The following CCDC33 variants were observed in gnomAD, a reference collection of about 807,000 sequenced individuals.
CCDC33 encodes coiled-coil domain-containing protein 33.
A neutral mutation model predicts 91.9 loss-of-function variants in CCDC33; 94 were observed. That is an observed-to-expected ratio of 1.02 (90% CI 0.87 to 1.21). CCDC33 has a LOEUF of 1.21. CCDC33 is among the 50% of genes most tolerant of loss of function. The pLI, the probability that CCDC33 is intolerant of heterozygous loss-of-function variation, is 0.00. For synonymous variants in CCDC33, 396 were observed against 374.5 expected (o/e 1.06, Z -0.66); for missense variants, 940 against 935.5 (o/e 1.00, Z -0.06).
chr15:74,221,303 C>T, intron 2 of CCDC33: 1 of 964,508 alleles, frequency 1.0e-6, no homozygotes, highest in Non-Finnish European at 1.2e-6. Context: ...GCAGGATGAG[C>T]AGGAATGCAA....
intron 2 of CCDC33, among the ~76,000 whole-genome samples, chr15:74,221,924 C>T (rs1416661690): frequency 1.3e-5 from 2 of 152,304 alleles, no homozygotes; most frequent in African/African-American, 2.4e-5. Flanking sequence ...CTCCAGCTCC[C>T]AGAGCCTCTC....
chr15:74,234,496 C>T (rs1432074036), upstream of CCDC33, among the ~76,000 whole-genome samples: 2 of 152,016 alleles, frequency 1.3e-5, no homozygotes, highest in African/African-American at 2.4e-5. Flanking sequence ...AAGCAGCTCT[C>T]GGGGGAGGTT....
intron 11 of CCDC33, chr15:74,300,828 T>C (rs351189): frequency 0.46 from 70,027 of 152,588 alleles, 17,616 homozygotes; most frequent in East Asian, 0.7. Flanking sequence ...TGGCTCCCTG[T>C]CCCTGGATGT....
intron 1 of CCDC33, chr15:74,203,315 C>T (rs1268731245): frequency 5.7e-6 from 3 of 530,336 alleles, no homozygotes; most frequent in African/African-American, 4.1e-5. Flanking sequence ...AAGAGGAGCC[C>T]CGCCTGCCTC....
intron 7 of CCDC33, among the ~76,000 whole-genome samples, chr15:74,274,081 C>A (rs2076390732): frequency 6.6e-6 from 1 of 152,008 alleles, no homozygotes; most frequent in Non-Finnish European, 1.5e-5. Context: ...CTGTCCACCT[C>A]GGCCTCCCAA....
chr15:74,276,952 G>A (rs988497412), intron 7 of CCDC33, among the ~76,000 whole-genome samples: 1 of 146,638 alleles, frequency 6.8e-6, no homozygotes, highest in Non-Finnish European at 1.5e-5. Context: ...GTGTGTGTGT[G>A]TCTGTCTGTC....
chr15:74,306,343 C>T (rs1316223338), intron 11 of CCDC33, among the ~76,000 whole-genome samples: 2 of 152,200 alleles, frequency 1.3e-5, no homozygotes. Context: ...CCAGGCAGTG[C>T]ACACTTTCTA....
At chr15:74,257,667 C>G (rs1307882200) in intron 2 of CCDC33, among the ~76,000 whole-genome samples, 11 of 152,280 alleles carry the variant, frequency 7.2e-5, no homozygotes, top group Admixed American at 7.2e-4. Context: ...AAACAGCCCC[C>G]CTCAAGCCTC....
intron 11 of CCDC33, among the ~76,000 whole-genome samples, chr15:74,309,533 AGCCCT>A (rs2059952480): frequency 1.3e-5 from 2 of 152,164 alleles, no homozygotes; most frequent in Non-Finnish European, 2.9e-5. Flanking sequence ...GGACAGTGCT[AGCCCT>A]TATCCCCAGG....
chr15:74,231,743 C>T (rs940233200), upstream of CCDC33, among the ~76,000 whole-genome samples: 1 of 152,096 alleles, frequency 6.6e-6, no homozygotes, highest in African/African-American at 2.4e-5. Context: ...TGGCCAGGTG[C>T]GGTGGTTCAC....
At chr15:74,203,812 G>A (rs1203093148) in intron 1 of CCDC33, among the ~76,000 whole-genome samples, 3 of 152,098 alleles carry the variant, frequency 2.0e-5, no homozygotes, top group Non-Finnish European at 2.9e-5. Flanking sequence ...GAGCATTTGG[G>A]GATGGGGGGA....
rs151095477 is a variant in CCDC33 at position 74,279,073 on chromosome 15, T to C, written c.760-890T>C. Among the ~76,000 whole-genome samples, 819 of 152,332 alleles carry C rather than the reference T, an allele frequency of 5.4e-3. 8 individuals carry two copies. The Middle Eastern group carries it at 0.054, about 10-fold the overall frequency. On this transcript the variant is annotated intron_variant, in intron 7 of 18. Transcript: ENST00000398814. ...GGGTGTGAACACAGATACAACACTT[T>C]AGGAAAACAGTTTACCAATAATGAA...
In CCDC33 at chr15:74,332,879, G is replaced by A. The variant is rs1484895761; in HGVS notation, c.1938+34G>A. 1.4e-5 allele frequency: 23 copies of A among 1,600,310 alleles called. 1 individual carries two copies. Among genetic ancestry groups the A allele is most frequent in the South Asian group, 7.8e-5 (7 of 89,962 alleles). ...CCCTTGACCTGGGCCTGCCTATGCC[G>A]GTCACTGGGTGCCCAGAAATCACCC... is the stretch of plus-strand genomic sequence containing the variant. On this transcript the variant is annotated intron_variant, in intron 16 of 18. Transcript: ENST00000398814.
intron 7 of CCDC33, among the ~76,000 whole-genome samples, chr15:74,274,807 A>T (rs2076409194): frequency 6.6e-6 from 1 of 152,174 alleles, no homozygotes; most frequent in South Asian, 2.1e-4. Flanking sequence ...CACTACAGAG[A>T]CTTGTTCCCA....
At chr15:74,318,606 C>T in intron 11 of CCDC33, 1 of 741,902 alleles carries the variant, frequency 1.3e-6, no homozygotes, top group Non-Finnish European at 2.5e-6. Flanking sequence ...GAGCCAGGGC[C>T]CCCATCCCCT....
chr15:74,290,043 G>T (rs2059555872), intron 10 of CCDC33, among the ~76,000 whole-genome samples: 1 of 151,516 alleles, frequency 6.6e-6, no homozygotes, highest in East Asian at 1.9e-4. Flanking sequence ...CTCAGAAAAT[G>T]GGAGTTGGTC....
chr15:74,232,911 C>A (rs767237730), upstream of CCDC33, among the ~76,000 whole-genome samples: 1 of 152,190 alleles, frequency 6.6e-6, no homozygotes, highest in Non-Finnish European at 1.5e-5. Flanking sequence ...TCTCCACCAG[C>A]GCTTGAGCCT....
chr15:74,245,210 A>G (rs1166508302), intron 2 of CCDC33, among the ~76,000 whole-genome samples: 3 of 152,104 alleles, frequency 2.0e-5, no homozygotes, highest in African/African-American at 7.2e-5. Flanking sequence ...AATGCATCCA[A>G]CATAGGCCTG....
chr15:74,209,046 C>T, intron 1 of CCDC33: 10 of 1,178,542 alleles, frequency 8.5e-6, no homozygotes, highest in East Asian at 5.1e-5. Context: ...TCCCGGAAGG[C>T]AGCTCCCCCC....
Sources: gnomAD v4.1 joint callset for allele counts (sites outside exome capture counted in the v4.1 genomes callset) on GRCh38, gnomAD v4.1.1 for gene constraint, MANE v1.5 for transcripts, NCBI Gene and HGNC (gene_info 2026-07-23, HGNC 2026-07-21) for gene names.